CD109: variants seen among roughly 807,000 people sequenced by gnomAD.
CD109 encodes the protein CD109 molecule, also known as CD109 antigen.
In CD109, 149 loss-of-function variants were observed where a neutral mutation model predicts 165.8. The observed-to-expected ratio is 0.90, with a 90% CI of 0.79 to 1.03. The LOEUF is 1.03. CD109 is among the 50% of genes least tolerant of loss of function. CD109 has a pLI of 0.00. For synonymous variants in CD109, 585 were observed against 592.1 expected, an observed-to-expected ratio of 0.99 and a Z score of 0.18; for missense variants, 1,712 against 1,677.8, an observed-to-expected ratio of 1.02 and a Z score of -0.36.
intron 13 of CD109, 124 bp from the exon 14 acceptor site, chr6:73,767,931 A>G (rs916515024): frequency 2.5e-6 from 2 of 801,452 alleles, no homozygotes; most frequent in Admixed American, 2.6e-5. Flanking sequence ...CTGCATTCCA[A>G]AAGACTTTGA....
chr6:73,776,661 G>T (rs757342775), intron 15 of CD109, among the ~76,000 whole-genome samples: 5 of 143,198 alleles, frequency 3.5e-5, no homozygotes, highest in Non-Finnish European at 7.5e-5. Flanking sequence ...GGGTTCAAGC[G>T]ATTCTCCTGC....
chr6:73,763,512 G>A (rs1773717652), intron 9 of CD109, 64 bp from the exon 10 acceptor site: 1 of 885,610 alleles, frequency 1.1e-6, no homozygotes. Context: ...GGAGAGATTT[G>A]GTGGATAGAA....
chr6:73,719,973 A>G (rs935316512), intron 2 of CD109, among the ~76,000 whole-genome samples: 3 of 152,196 alleles, frequency 2.0e-5, no homozygotes, highest in Non-Finnish European at 4.4e-5. Context: ...ACAAGGTAAG[A>G]TACTCCCAAA....
chr6:73,777,229 G>T (rs1014857879), intron 15 of CD109, among the ~76,000 whole-genome samples: 13 of 151,894 alleles, frequency 8.6e-5, no homozygotes, highest in Admixed American at 3.9e-4. Flanking sequence ...CAAAGTGCTG[G>T]GATTAGAGGC....
chr6:73,762,671 AGTTT>A (rs1280004316), intron 8 of CD109, 66 bp from the exon 9 acceptor site: 24 of 1,260,508 alleles, frequency 1.9e-5, no homozygotes, highest in Middle Eastern at 2.7e-4. Flanking sequence ...GTTGTGACTT[AGTTT>A]GAGTTTTATT....
intron 5 of CD109, among the ~76,000 whole-genome samples, chr6:73,751,794 C>T (rs1343637027): frequency 6.6e-6 from 1 of 152,192 alleles, no homozygotes; most frequent in Non-Finnish European, 1.5e-5. Context: ...GAGTGCCACT[C>T]CTAGCTCATC....
At chr6:73,812,305 T>C (rs189896809) in intron 29 of CD109, 35 bp downstream of exon 29, 561 of 1,324,778 alleles carry the variant, frequency 4.2e-4, no homozygotes, top group Non-Finnish European at 5.5e-4. Flanking sequence ...AAGTTAAATA[T>C]GACTTTTTAT....
chr6:73,803,170 C>A, intron 23 of CD109, 50 bp from the exon 24 acceptor site: 2 of 1,233,156 alleles, frequency 1.6e-6, no homozygotes, highest in Non-Finnish European at 2.4e-6. Flanking sequence ...AAACTTTCAT[C>A]CATTGCAAGT....
At chr6:73,790,937 G>A (rs2150265435) in intron 22 of CD109, among the ~76,000 whole-genome samples, 1 of 151,918 alleles carries the variant, frequency 6.6e-6, no homozygotes, top group South Asian at 2.1e-4. Flanking sequence ...TTATATAGTT[G>A]TGCTTTACAA....
intron 14 of CD109, among the ~76,000 whole-genome samples, chr6:73,770,021 A>G (rs191270546): frequency 6.6e-6 from 1 of 152,356 alleles, no homozygotes; most frequent in Admixed American, 6.5e-5. Flanking sequence ...GTGAACTCAT[A>G]TGAAAGTGCT....
intron 28 of CD109, among the ~76,000 whole-genome samples, chr6:73,811,606 T>G (rs1358260630): frequency 6.6e-6 from 1 of 152,140 alleles, no homozygotes; most frequent in Non-Finnish European, 1.5e-5. Flanking sequence ...CCAAAGACCA[T>G]GTTCTTTTCA....
At chr6:73,791,971 A>T (rs879316148) in intron 22 of CD109, among the ~76,000 whole-genome samples, 5 of 152,204 alleles carry the variant, frequency 3.3e-5, no homozygotes, top group Non-Finnish European at 5.9e-5. Flanking sequence ...GCAGGGCCAA[A>T]ATTAGAACTC....
chr6:73,775,048 C>T (rs1397488020), intron 15 of CD109, among the ~76,000 whole-genome samples: 4 of 151,914 alleles, frequency 2.6e-5, no homozygotes, highest in African/African-American at 9.7e-5. Flanking sequence ...CATTAGCCTT[C>T]TTTTCGTTAG....
At chr6:73,756,759 A>C (rs1384405421) in intron 6 of CD109, 77 bp downstream of exon 6, 2 of 1,027,488 alleles carry the variant, frequency 1.9e-6, no homozygotes, top group African/African-American at 3.4e-5. Context: ...TTTTTAAGAG[A>C]TGTATTATTT....
At chr6:73,686,657 T>C in the CD109 span, among the ~76,000 whole-genome samples, 1 of 152,140 alleles carries the variant, frequency 6.6e-6, no homozygotes, top group Non-Finnish European at 1.5e-5. Flanking sequence ...TTAAATTAAA[T>C]TAAAAATTCA....
the CD109 span, among the ~76,000 whole-genome samples, chr6:73,686,775 T>C: frequency 2.2e-4 from 33 of 152,330 alleles, no homozygotes; most frequent in Admixed American, 1.8e-3. Flanking sequence ...CACTGCAAAC[T>C]CCGCCTCCCG....
chr6:73,746,454 A>G (rs1014133914), intron 5 of CD109, among the ~76,000 whole-genome samples: 1 of 152,232 alleles, frequency 6.6e-6, no homozygotes, highest in African/African-American at 2.4e-5. Context: ...TGCTTGAGAT[A>G]GGTGCCCAAG....
At chr6:73,803,689 T>TTGTGTGTA (rs1554183583) in intron 24 of CD109, among the ~76,000 whole-genome samples, 1 of 149,412 alleles carries the variant, frequency 6.7e-6, no homozygotes, top group African/African-American at 2.5e-5. Context: ...TAGTTTAAGT[T>TTGTGTGTA]TGTGTGTGTG....
chr6:73,801,794 A>G (rs2150285403), intron 23 of CD109, among the ~76,000 whole-genome samples: 1 of 152,342 alleles, frequency 6.6e-6, no homozygotes, highest in South Asian at 2.1e-4. Context: ...AAGGATTTCA[A>G]CATTTCACAA....
Sources: gnomAD v4.1 joint callset for allele counts (sites outside exome capture counted in the v4.1 genomes callset) on GRCh38, gnomAD v4.1.1 for gene constraint, MANE v1.5 for transcripts, NCBI Gene and HGNC (gene_info 2026-07-23, HGNC 2026-07-21) for gene names.